SEPTIN11: variants seen among roughly 807,000 people sequenced by gnomAD.
SEPTIN11 encodes the protein septin-11.
Under a neutral mutation model 51.4 loss-of-function variants are expected in SEPTIN11, and 25 were observed. That is an observed-to-expected ratio of 0.49 (90% CI 0.35 to 0.68). The LOEUF is 0.68. SEPTIN11 is among the 30% of genes least tolerant of loss of function. The probability of loss-of-function intolerance (pLI) is 0.00; values close to 1 mark genes in which losing one functional copy is unlikely to be tolerated. For synonymous variants in SEPTIN11, 174 were observed against 184.1 expected (o/e 0.95, Z 0.44); for missense variants, 381 against 520.8 (o/e 0.73, Z 2.61).
intron 7 of SEPTIN11, among the ~76,000 whole-genome samples, chr4:77,026,949 G>T (rs937409076): frequency 6.6e-6 from 1 of 151,946 alleles, no homozygotes; most frequent in Non-Finnish European, 1.5e-5. Flanking sequence ...ATTAATATTA[G>T]CCAACACTAA....
chr4:76,962,052 C>T (rs926339343), intron 1 of SEPTIN11, among the ~76,000 whole-genome samples: 2 of 151,994 alleles, frequency 1.3e-5, no homozygotes, highest in Non-Finnish European at 2.9e-5. Flanking sequence ...ATAAAACTGC[C>T]GTTAATTAAA....
rs1478319406 is a variant in SEPTIN11 at position 77,024,350 on chromosome 4, C to G, written c.953+3680C>G. 1.3e-5 allele frequency among the ~76,000 whole-genome samples: 2 copies of G among 152,140 alleles called. No homozygotes were observed. The highest frequency in any genetic ancestry group is 2.9e-5 in the Non-Finnish European group (2 of 68,032). The stretch of plus-strand genomic sequence containing the variant: ...CATCTTTATCCGCCCCCTGTGCATG[C>G]CCGGCTGCTGCCCTGAAGCCTTGAA... On this transcript the variant is annotated intron_variant, in intron 7 of 9. Coordinates refer to ENST00000264893, the MANE Select transcript of SEPTIN11 (RefSeq NM_018243.4). The surrounding 1 kb of genome is among the most constrained non-coding windows in gnomAD (Gnocchi z 4.2).
chr4:77,004,162 G>A (rs541976241), intron 2 of SEPTIN11, among the ~76,000 whole-genome samples: 4 of 152,156 alleles, frequency 2.6e-5, no homozygotes, highest in African/African-American at 9.6e-5. Flanking sequence ...TTGAGGGTTG[G>A]GCTGCAGTTC....
At chr4:76,955,676 A>G (rs560006155) in intron 1 of SEPTIN11, among the ~76,000 whole-genome samples, 1 of 152,380 alleles carries the variant, frequency 6.6e-6, no homozygotes, top group Admixed American at 6.5e-5. Context: ...TTCAGGATTC[A>G]ATAGGAGAGT....
chr4:77,008,399 G>A (rs1349730609), intron 3 of SEPTIN11, among the ~76,000 whole-genome samples: 1 of 152,164 alleles, frequency 6.6e-6, no homozygotes, highest in African/African-American at 2.4e-5. Flanking sequence ...CTTTATCAGA[G>A]TTATAAAACA....
chr4:77,003,206 T>C (rs1724239563), intron 2 of SEPTIN11, among the ~76,000 whole-genome samples: 1 of 152,236 alleles, frequency 6.6e-6, no homozygotes, highest in East Asian at 1.9e-4. Flanking sequence ...CTCTCCAATG[T>C]GGAGCCCCAG....
intron 1 of SEPTIN11, among the ~76,000 whole-genome samples, chr4:76,983,884 T>A (rs1422404066): frequency 6.6e-6 from 1 of 152,128 alleles, no homozygotes; most frequent in South Asian, 2.1e-4. Flanking sequence ...GGCAGGTGCC[T>A]GTAATCCCAG....
chr4:77,004,603 A>G (rs1273334509), intron 2 of SEPTIN11, among the ~76,000 whole-genome samples: 6 of 152,208 alleles, frequency 3.9e-5, no homozygotes, highest in Non-Finnish European at 8.8e-5. Flanking sequence ...ATCTAAGCCT[A>G]GTGTTCCATC....
Position 76,992,341 on chromosome 4 carries a change from C to T in SEPTIN11, c.28-4084C>T, listed in dbSNP as rs1007637448. 4.5e-4 allele frequency among the ~76,000 whole-genome samples: 69 copies of T among 152,218 alleles called. 1 individual carries two copies. Among genetic ancestry groups the T allele is most frequent in the Non-Finnish European group, 1.5e-4 (10 of 68,006 alleles). On this transcript the variant is annotated intron_variant, in intron 1 of 9. Transcript: ENST00000264893. Reference sequence around the variant, plus strand: ...ATTTTAATGTATTGGATTTTTATAACAGCTGAAATAATTATGCTGTCTGGG... The same window carrying T: ...ATTTTAATGTATTGGATTTTTATAATAGCTGAAATAATTATGCTGTCTGGG...
In SEPTIN11 at chr4:77,038,290, C is replaced by A; in HGVS notation, c.*3778C>A. ...CTTAATTTTAAAATATGCTGATATG[C>A]CTTAAACTGTAGTTGTAGATCCTTG... On this transcript the variant is annotated 3_prime_UTR_variant, in exon 10 of 10. Transcript: ENST00000264893. The A allele has an allele frequency of 4.1e-6, 4 of 985,348 alleles. No individual in the cohort carries two copies. Among genetic ancestry groups the A allele is most frequent in the Non-Finnish European group, 4.8e-6 (4 of 829,504 alleles). The allele number at this position is 985,348 out of a possible 1,614,324, so 61.0% of individuals were successfully genotyped here.
intron 6 of SEPTIN11, among the ~76,000 whole-genome samples, chr4:77,019,599 G>C (rs770660976): frequency 2.0e-5 from 3 of 152,186 alleles, no homozygotes; most frequent in African/African-American, 4.8e-5. Flanking sequence ...GCAGCAAAAA[G>C]TTTCTTGCAA....
chr4:77,020,665 C>G lies in SEPTIN11; in HGVS notation c.948C>G (p.Pro316=). The part of the protein sequence containing the change: ...GFKDTDPDSK[P]FSLQETYEAK... ...AGGACACTGACCCTGACAGCAAACC[C>G]TTCAGGTATGAAGGCATCTAGCAAT... Residue 316 remains proline, a synonymous_variant, in exon 7 of 10, where the codon CCC becomes CCG. Transcript: ENST00000264893. 2 of 1,613,932 alleles carry G rather than the reference C, an allele frequency of 1.2e-6. No individual in the cohort carries two copies. Among genetic ancestry groups the G allele is most frequent in the Non-Finnish European group, 1.7e-6 (2 of 1,179,952 alleles).
chr4:76,992,885 G>T (rs1332137787), intron 1 of SEPTIN11, among the ~76,000 whole-genome samples: 1 of 152,212 alleles, frequency 6.6e-6, no homozygotes, highest in East Asian at 1.9e-4. Context: ...GTCCCAAGAA[G>T]AGTGGTCATT....
chr4:76,999,834 C>T (rs1007697630), intron 2 of SEPTIN11, among the ~76,000 whole-genome samples: 2 of 152,074 alleles, frequency 1.3e-5, no homozygotes, highest in Non-Finnish European at 2.9e-5. Context: ...AACAGAACAC[C>T]CAGGAGTTCA....
Position 77,035,103 on chromosome 4 carries a change from G to T in SEPTIN11, c.*591G>T. 1.0e-6 allele frequency: 1 copy of T among 985,382 alleles called. No individual in the cohort carries two copies. The highest frequency in any genetic ancestry group is 1.2e-6 in the Non-Finnish European group (1 of 829,936). The allele number at this position is 985,382 out of a possible 1,614,324, so 61.0% of individuals were successfully genotyped here. The stretch of plus-strand genomic sequence containing the variant: ...AACATTATTTGGCCTGAGCTTGTGG[G>T]TCTGTTCAGACTGTCTCCTCTCATG... On this transcript the variant is annotated 3_prime_UTR_variant, in exon 10 of 10. Transcript: ENST00000264893.
chr4:77,022,458 T>TAA (rs945900239), intron 7 of SEPTIN11, among the ~76,000 whole-genome samples: 30 of 152,168 alleles, frequency 2.0e-4, no homozygotes, highest in Non-Finnish European at 3.8e-4. Flanking sequence ...GGTTAGACAG[T>TAA]AAATATTTTA....
At chr4:76,970,334 A>G (rs1231932096) in intron 1 of SEPTIN11, among the ~76,000 whole-genome samples, 1 of 152,242 alleles carries the variant, frequency 6.6e-6, no homozygotes, top group Non-Finnish European at 1.5e-5. Context: ...TCTTAAACAC[A>G]GCATAGAGTA....
At chr4:77,014,785 G>T in intron 4 of SEPTIN11, 71 bp from the exon 5 acceptor site, 1 of 1,475,622 alleles carries the variant, frequency 6.8e-7, no homozygotes. Context: ...TTATTTGTTT[G>T]CTATGTTTTA....
rs370267588 is a variant in SEPTIN11 at position 77,016,615 on chromosome 4, C to CATATATATATATATATACACATATAT, written c.687+1613_687+1614insTACACATATATATATATATATATATA. ...ATACACACACATATATATATATACA[C>CATATATATATATATATACACATATAT]ATATATATATATATACACATATATA... On this transcript the variant is annotated intron_variant, in intron 5 of 9. Transcript: ENST00000264893. 6.0e-3 allele frequency among the ~76,000 whole-genome samples: 473 copies of CATATATATATATATATACACATATAT among 79,198 alleles called. 18 individuals carry two copies. Among genetic ancestry groups the CATATATATATATATATACACATATAT allele is most frequent in the Non-Finnish European group, 9.7e-3 (380 of 39,316 alleles). 52.0% of individuals were successfully genotyped at this position (79,198 alleles called of 152,430 possible). A position where few individuals can be genotyped will look rare whatever the true frequency, so the allele number is the denominator to read the frequency against.
Sources: allele counts gnomAD v4.1 joint callset (sites outside exome capture counted in the v4.1 genomes callset), GRCh38; gene constraint gnomAD v4.1.1; non-coding constraint Gnocchi (gnomAD v3.1); transcripts MANE v1.5; gene names NCBI Gene and HGNC (gene_info 2026-07-23, HGNC 2026-07-21).